LRP12: variants seen among roughly 807,000 people sequenced by gnomAD.
LRP12 encodes LDL receptor related protein 12.
In LRP12, 14 loss-of-function variants were observed where a neutral mutation model predicts 66.0. The observed-to-expected ratio is 0.21, with a 90% CI of 0.14 to 0.33. The LOEUF is 0.33. Ranked by LOEUF, LRP12 falls within the 10% of genes least tolerant of loss-of-function variation. The pLI is 1.00. For missense variants in LRP12, 889 were observed against 1,053.4 expected (o/e 0.84, Z 2.16); for synonymous variants, 357 against 359.1 (o/e 0.99, Z 0.07).
chr8:104,560,806 C>A (rs1410467773), intron 1 of LRP12, among the ~76,000 whole-genome samples: 1 of 152,110 alleles, frequency 6.6e-6, no homozygotes, highest in Non-Finnish European at 1.5e-5. Context: ...GAAGCAGGAT[C>A]AAAACAGTCT....
At chr8:104,528,998 T>G (rs1811287440) in intron 2 of LRP12, among the ~76,000 whole-genome samples, 2 of 152,200 alleles carry the variant, frequency 1.3e-5, no homozygotes. Context: ...AACGTATAAA[T>G]ATATTTAATT....
chr8:104,499,613 T>C, intron 3 of LRP12, 94 bp from the exon 4 acceptor site: 1 of 739,680 alleles, frequency 1.4e-6, no homozygotes, highest in Admixed American at 2.9e-5. Context: ...TAAGCCTCCA[T>C]ATACTGACTG....
intron 2 of LRP12, among the ~76,000 whole-genome samples, chr8:104,529,889 A>C (rs1324871303): frequency 6.6e-6 from 1 of 152,204 alleles, no homozygotes; most frequent in African/African-American, 2.4e-5. Flanking sequence ...AAAGGCTATT[A>C]AAATATTCCT....
intron 1 of LRP12, among the ~76,000 whole-genome samples, chr8:104,552,927 T>C (rs1033955559): frequency 6.6e-6 from 1 of 152,150 alleles, no homozygotes; most frequent in African/African-American, 2.4e-5. Flanking sequence ...GTGCCCAAAG[T>C]GTGAGGGGGG....
chr8:104,534,428 A>G (rs2140864749), intron 1 of LRP12, among the ~76,000 whole-genome samples: 1 of 152,176 alleles, frequency 6.6e-6, no homozygotes, highest in South Asian at 2.1e-4. Flanking sequence ...TGTTACAAAC[A>G]GGCACAGATT....
intron 1 of LRP12, among the ~76,000 whole-genome samples, chr8:104,559,153 A>T (rs906436245): frequency 5.3e-5 from 8 of 152,224 alleles, no homozygotes; most frequent in Admixed American, 2.0e-4. Flanking sequence ...ATACTTGCAC[A>T]TGCATATTTA....
rs74894018 is a variant in LRP12 at position 104,502,479 on chromosome 8, C to T, written c.273-2960G>A. 2.0e-3 allele frequency among the ~76,000 whole-genome samples: 312 copies of T among 152,220 alleles called. 1 individual carries two copies. The highest frequency in any genetic ancestry group is 7.0e-3 in the African/African-American group (292 of 41,554). ...TGGTTCTCTCCTTTCCAGGAGTTAC[C>T]TTATTAATTTCCAGTTACTGTCCCA... is the stretch of plus-strand genomic sequence containing the variant. On this transcript the variant is annotated intron_variant, in intron 3 of 6. Transcript: ENST00000276654.
intron 1 of LRP12, among the ~76,000 whole-genome samples, chr8:104,574,827 T>A (rs74452882): frequency 0.069 from 10,433 of 152,250 alleles, 406 homozygotes; most frequent in South Asian, 0.082. Flanking sequence ...TTCTTTTTTT[T>A]AAATGTGGTT....
At chr8:104,508,432 G>A (rs777129054) in intron 3 of LRP12, 4 of 151,838 alleles carry the variant, frequency 2.6e-5, no homozygotes, top group Non-Finnish European at 4.4e-5. Flanking sequence ...CTTTTGTTTC[G>A]AAGTTATAAA....
intron 3 of LRP12, among the ~76,000 whole-genome samples, chr8:104,500,371 A>T (rs545286388): frequency 6.6e-6 from 1 of 152,330 alleles, no homozygotes; most frequent in Admixed American, 6.5e-5. Flanking sequence ...AAGCTGATAG[A>T]CAATTTGATT....
chr8:104,494,158 T>TA (rs1010651936), intron 6 of LRP12, among the ~76,000 whole-genome samples: 6 of 151,324 alleles, frequency 4.0e-5, no homozygotes, highest in South Asian at 2.1e-4. Flanking sequence ...GATTCTTACC[T>TA]AAAAAAAAAC....
intron 1 of LRP12, among the ~76,000 whole-genome samples, chr8:104,561,648 T>A (rs1811908810): frequency 6.6e-6 from 1 of 152,244 alleles, no homozygotes; most frequent in South Asian, 2.1e-4. Flanking sequence ...TGTGTATTTG[T>A]GTTCCTTATT....
chr8:104,522,885 GAGA>G (rs1811173066), intron 2 of LRP12, among the ~76,000 whole-genome samples: 1 of 152,028 alleles, frequency 6.6e-6, no homozygotes, highest in Non-Finnish European at 1.5e-5. Context: ...ATAAAAGGTT[GAGA>G]CTTTAATGGA....
intron 2 of LRP12, among the ~76,000 whole-genome samples, chr8:104,520,076 T>C (rs1214920783): frequency 6.6e-6 from 1 of 151,030 alleles, no homozygotes; most frequent in Non-Finnish European, 1.5e-5. Flanking sequence ...AAACGGGTCA[T>C]AGCACAGTAT....
chr8:104,548,742 C>T (rs1165850509), intron 1 of LRP12, among the ~76,000 whole-genome samples: 2 of 150,134 alleles, frequency 1.3e-5, no homozygotes, highest in African/African-American at 4.9e-5. Context: ...GTTGGGAGTT[C>T]GAGACCAGCC....
rs755030781 is a variant in LRP12 at position 104,499,351 on chromosome 8, G to C, written c.441C>G (p.Ile147Met). The C allele has an allele frequency of 1.9e-6, 3 of 1,613,450 alleles. No homozygotes were observed. In the South Asian group the frequency reaches 3.3e-5, roughly 18 times the overall value. Residue 147 changes from isoleucine (I) to methionine (M), a missense_variant, in exon 4 of 7, where the codon ATC becomes ATG. Ile to Met is a conservative substitution (Grantham distance 10). Around this residue, in one of 3 missense-constraint regions of LRP12, gnomAD observed 800 missense variants for 964.5 expected, o/e 0.83. Transcript: ENST00000276654. ...IWIRFHSDDN[I>M]SRKGFRLAYF... ...ATGCCAGTCTGAAACCCTTTCTAGA[G>C]ATGTTGTCATCCGAATGAAACCTAA...
intron 2 of LRP12, among the ~76,000 whole-genome samples, chr8:104,516,418 T>C (rs764687614): frequency 2.6e-5 from 4 of 152,068 alleles, no homozygotes; most frequent in Non-Finnish European, 4.4e-5. Context: ...ATTAACTGAA[T>C]ACATATTTTT....
intron 2 of LRP12, among the ~76,000 whole-genome samples, chr8:104,520,593 C>G (rs1321977529): frequency 6.6e-6 from 1 of 152,016 alleles, no homozygotes; most frequent in Non-Finnish European, 1.5e-5. Flanking sequence ...CAGAAATAAA[C>G]AATACCAGAG....
intron 1 of LRP12, among the ~76,000 whole-genome samples, chr8:104,576,367 A>G (rs1385055881): frequency 6.6e-6 from 1 of 152,146 alleles, no homozygotes; most frequent in Non-Finnish European, 1.5e-5. Context: ...GTAGCTAGAG[A>G]GAAAAAGCAG....
Sources: allele counts gnomAD v4.1 joint callset (sites outside exome capture counted in the v4.1 genomes callset), GRCh38; gene constraint gnomAD v4.1.1; regional missense constraint gnomAD v4.1.1; transcripts MANE v1.5; gene names NCBI Gene and HGNC (gene_info 2026-07-23, HGNC 2026-07-21).